MYLK: variants seen among roughly 807,000 people sequenced by gnomAD.
MYLK encodes the protein myosin light chain kinase, smooth muscle.
Under a neutral mutation model 203.4 loss-of-function variants are expected in MYLK, and 106 were observed. That is an observed-to-expected ratio of 0.52 (90% CI 0.45 to 0.61). The LOEUF (loss-of-function observed/expected upper bound fraction) is 0.61, where lower values mean the gene tolerates loss of function less well. Ranked by LOEUF, MYLK falls within the 20% of genes least tolerant of loss-of-function variation. The probability of loss-of-function intolerance (pLI) is 0.00; values close to 1 mark genes in which losing one functional copy is unlikely to be tolerated. For missense variants in MYLK, 2,072 were observed against 2,442.3 expected (o/e 0.85, Z 3.20); for synonymous variants, 867 against 959.5 (o/e 0.90, Z 1.78).
intron 2 of MYLK, among the ~76,000 whole-genome samples, chr3:123,857,960 C>G (rs1296627809): frequency 2.0e-5 from 3 of 152,162 alleles, no homozygotes; most frequent in Non-Finnish European, 2.9e-5. Flanking sequence ...AACCCTCCCA[C>G]TTGCACTTGG....
intron 13 of MYLK, among the ~76,000 whole-genome samples, chr3:123,721,023 G>A (rs1437848555): frequency 1.3e-5 from 2 of 152,194 alleles, no homozygotes; most frequent in African/African-American, 4.8e-5. Context: ...TTCAATTCCC[G>A]AGACTTCCAG....
intron 29 of MYLK, among the ~76,000 whole-genome samples, chr3:123,630,082 G>T (rs201092828): frequency 6.6e-6 from 1 of 152,040 alleles, no homozygotes; most frequent in East Asian, 1.9e-4. Context: ...CACACCTTCA[G>T]CTCCAAGAAG....
chr3:123,870,561 A>C (rs759535090), intron 2 of MYLK, among the ~76,000 whole-genome samples: 1 of 152,248 alleles, frequency 6.6e-6, no homozygotes, highest in African/African-American at 2.4e-5. Context: ...GCTCTAAACC[A>C]AGTGGAATTT....
At chr3:123,703,209 G>T (rs1305113011) in intron 16 of MYLK, among the ~76,000 whole-genome samples, 1 of 152,166 alleles carries the variant, frequency 6.6e-6, no homozygotes, top group African/African-American at 2.4e-5. Context: ...GTAGCCCATG[G>T]CCTGGCCCAG....
At chr3:123,795,282 T>C (rs568511113) in intron 3 of MYLK, among the ~76,000 whole-genome samples, 13 of 152,248 alleles carry the variant, frequency 8.5e-5, no homozygotes, top group Non-Finnish European at 1.8e-4. Flanking sequence ...CATATTGATG[T>C]ATGACTTACA....
intron 11 of MYLK, among the ~76,000 whole-genome samples, chr3:123,730,486 G>A (rs1455949439): frequency 1.3e-5 from 2 of 152,166 alleles, no homozygotes; most frequent in African/African-American, 4.8e-5. Flanking sequence ...TAGCTAAAAA[G>A]TAGAAACAAC....
Position 123,649,048 on chromosome 3 carries a change from C to G in MYLK, c.4338G>C (p.Glu1446Asp). ...EVSDDDEKEP[E>D]VDYRTVTINT... is the part of the protein sequence containing the mutation. ...TGATTGTCACTGTCCGGTAATCAAC[C>G]TCGGGCTCCTTCTCATCTGTGGGGC... The change falls in exon 26 of 34, where the codon GAG (glutamate) becomes GAC (aspartate). Residue 1446 changes from glutamate to aspartate, a missense_variant. Physicochemically the swap from Glu to Asp is conservative, Grantham distance 45 (BLOSUM62 2). Coordinates refer to ENST00000360304, the MANE Select transcript of MYLK (RefSeq NM_053025.4). 6.2e-7 allele frequency: 1 copy of G among 1,614,162 alleles called. No individual in the cohort carries two copies. Among genetic ancestry groups the G allele is most frequent in the South Asian group, 1.1e-5 (1 of 91,074 alleles).
At chr3:123,879,246 T>G (rs1469661322) in intron 1 of MYLK, among the ~76,000 whole-genome samples, 1 of 152,168 alleles carries the variant, frequency 6.6e-6, no homozygotes, top group East Asian at 1.9e-4. Flanking sequence ...AGAAATATTA[T>G]TGGCAGCAGA....
intron 11 of MYLK, among the ~76,000 whole-genome samples, chr3:123,726,916 A>G (rs1265978017): frequency 6.6e-6 from 1 of 152,208 alleles, no homozygotes; most frequent in Non-Finnish European, 1.5e-5. Context: ...CTTAGAAGAT[A>G]TATCACTGGT....
At chr3:123,635,889 G>C (rs1168282071) in intron 29 of MYLK, among the ~76,000 whole-genome samples, 2 of 152,132 alleles carry the variant, frequency 1.3e-5, no homozygotes, top group Non-Finnish European at 2.9e-5. Flanking sequence ...TTCACACAAT[G>C]GGATACTACA....
At chr3:123,771,502 T>A (rs2063882461) in intron 4 of MYLK, among the ~76,000 whole-genome samples, 1 of 152,206 alleles carries the variant, frequency 6.6e-6, no homozygotes, top group African/African-American at 2.4e-5. Flanking sequence ...TTTCTCCTTT[T>A]ATATAAATGT....
At chr3:123,658,721 T>C (rs2059468495) in intron 23 of MYLK, among the ~76,000 whole-genome samples, 1 of 152,212 alleles carries the variant, frequency 6.6e-6, no homozygotes, top group Non-Finnish European at 1.5e-5. Flanking sequence ...ACTTGACCGC[T>C]ACTCTCCCAC....
At chr3:123,742,285 A>G (rs1033108786) in intron 5 of MYLK, among the ~76,000 whole-genome samples, 2 of 152,228 alleles carry the variant, frequency 1.3e-5, no homozygotes, top group African/African-American at 4.8e-5. Flanking sequence ...CATTGTAGGT[A>G]TTTAAATATT....
chr3:123,693,099 C>T (rs1395434326), intron 18 of MYLK, among the ~76,000 whole-genome samples: 1 of 152,200 alleles, frequency 6.6e-6, no homozygotes, highest in Non-Finnish European at 1.5e-5. Context: ...AAAGAGTCCT[C>T]TTGTGGGGAC....
rs557873884 is a variant in MYLK at position 123,737,516 on chromosome 3, G to A, written c.616C>T (p.Arg206Cys). The stretch of plus-strand genomic sequence containing the variant: ...CCGTTCTTCTCAGACACAGACACAC[G>A]GGCACTCGGCTGCAGTGGAACATTT... The part of the protein sequence containing the change: ...KGNVPLQPSA[R>C]VSVSEKNGMQ... Residue 206 changes from arginine (R) to cysteine (C), a missense_variant, in exon 8 of 34, where the codon CGT (arginine) becomes TGT (cysteine). Arg to Cys is a radical substitution (Grantham distance 180). Transcript: ENST00000360304. 33 of 1,614,104 alleles carry A rather than the reference G, an allele frequency of 2.0e-5. No homozygotes were observed. In the South Asian group the frequency reaches 2.3e-4, roughly 11 times the overall value.
intron 2 of MYLK, among the ~76,000 whole-genome samples, chr3:123,870,954 G>A (rs1319051206): frequency 6.6e-6 from 1 of 152,100 alleles, no homozygotes; most frequent in Non-Finnish European, 1.5e-5. Context: ...CCTTTCTACA[G>A]ACCATATTGG....
intron 20 of MYLK, 88 bp from the exon 21 acceptor site, chr3:123,667,275 T>C: frequency 7.9e-7 from 1 of 1,265,954 alleles, no homozygotes; most frequent in Admixed American, 1.8e-5. Context: ...TCTTGTCCAC[T>C]GGCCCCTCAT....
chr3:123,820,773 G>GA (rs1255307759), intron 3 of MYLK, among the ~76,000 whole-genome samples: 1 of 151,602 alleles, frequency 6.6e-6, no homozygotes, highest in Non-Finnish European at 1.5e-5. Flanking sequence ...GCCCAGGCTG[G>GA]AATGCAGTAG....
In MYLK at chr3:123,700,096, G is replaced by A. The variant is rs774568740; in HGVS notation, c.3372C>T (p.Asp1124=). ...GCGTCCAGATGATGGTGGCTGGGGG[G>A]TCAGAAGACACCTGGCACTGGAGCA... ...KLLLQCQVSS[D]PPATIIWTLN... The change falls in exon 18 of 34, where the codon GAC becomes GAT. Residue 1124 remains aspartate, a synonymous_variant. Coordinates refer to ENST00000360304, the MANE Select transcript of MYLK (RefSeq NM_053025.4). 36 of 1,613,822 alleles carry A rather than the reference G, an allele frequency of 2.2e-5. No individual in the cohort carries two copies. Among genetic ancestry groups the A allele is most frequent in the South Asian group, 4.4e-5 (4 of 91,066 alleles).
Sources: allele counts gnomAD v4.1 joint callset (sites outside exome capture counted in the v4.1 genomes callset), GRCh38; gene constraint gnomAD v4.1.1; transcripts MANE v1.5; gene names NCBI Gene and HGNC (gene_info 2026-07-23, HGNC 2026-07-21).